The following FAM83F variants were observed in gnomAD, a reference collection of about 807,000 sequenced individuals.
FAM83F encodes protein FAM83F.
In FAM83F, 45 loss-of-function variants were observed where a neutral mutation model predicts 42.9. That is an observed-to-expected ratio of 1.05 (90% confidence interval 0.83 to 1.35). The LOEUF (loss-of-function observed/expected upper bound fraction) is 1.35, where lower values mean the gene tolerates loss of function less well. Ranked by LOEUF, FAM83F falls within the 40% of genes most tolerant of loss-of-function variation. FAM83F has a pLI of 0.00. For missense variants in FAM83F, 617 were observed against 695.9 expected, an observed-to-expected ratio of 0.89 and a Z score of 1.28; for synonymous variants, 306 against 298.3, an observed-to-expected ratio of 1.03 and a Z score of -0.27.
rs1254583448 is a variant in FAM83F at position 40,020,106 on chromosome 22, T to TA, written c.779+100dup. 12 of 1,478,982 alleles carry TA rather than the reference T, an allele frequency of 8.1e-6. No homozygotes were observed. In the African/African-American group the frequency reaches 1.7e-4, roughly 21 times the overall value. 91.6% of individuals were successfully genotyped at this position (1,478,982 alleles called of 1,614,324 possible). A position where few individuals can be genotyped will look rare whatever the true frequency, so the allele number is the denominator to read the frequency against. The stretch of plus-strand genomic sequence containing the variant: ...CGGAGCCTCCGTCATCATGAGTGTG[T>TA]AACAGGGATCATCTGACGCAATAGC... On this transcript the variant is annotated intron_variant, in intron 3 of 4. Transcript: ENST00000333407.
chr22:40,037,126 C>A lies in FAM83F; in HGVS notation c.*7561C>A, dbSNP rs2067629358. 1 of 152,190 alleles carries A rather than the reference C, an allele frequency of 6.6e-6. No homozygotes were observed. The highest frequency in any genetic ancestry group is 2.4e-5 in the African/African-American group (1 of 41,420). The allele number at this position is 152,190 out of a possible 1,614,324, so 9.4% of individuals were successfully genotyped here. A position where few individuals can be genotyped will look rare whatever the true frequency, so the allele number is the denominator to read the frequency against. ...GTGGCTCATGCCTGTGACCTCAGCACTTTGGGAGGCCGAGGTGGGTGGATC... is the reference window on the plus strand; with the variant it reads ...GTGGCTCATGCCTGTGACCTCAGCAATTTGGGAGGCCGAGGTGGGTGGATC... On this transcript the variant is annotated 3_prime_UTR_variant, in exon 5 of 5. Coordinates refer to ENST00000333407, the MANE Select transcript of FAM83F (RefSeq NM_138435.4).
At chr22:40,003,879 G>A (rs1478951076) in intron 1 of FAM83F, among the ~76,000 whole-genome samples, 1 of 152,132 alleles carries the variant, frequency 6.6e-6, no homozygotes, top group African/African-American at 2.4e-5. Flanking sequence ...AGGCATGTGG[G>A]AGGCTCCGGA....
chr22:40,000,399 A>G lies in FAM83F; in HGVS notation c.489+4868A>G, dbSNP rs574275141. 1.3e-3 allele frequency among the ~76,000 whole-genome samples: 200 copies of G among 152,296 alleles called. 3 individuals are homozygous for G. Among genetic ancestry groups the G allele is most frequent in the Middle Eastern group, 0.01 (3 of 294 alleles). On this transcript the variant is annotated intron_variant, in intron 1 of 4. Transcript: ENST00000333407. ...AGCTGGGATACAGATGCCCCCGGGC[A>G]TGGCAAAGTCTTGGAGTCATCAGCT... is the stretch of plus-strand genomic sequence containing the variant.
Position 40,023,144 on chromosome 22 carries a change from C to T in FAM83F, c.1453+1181C>T, listed in dbSNP as rs1294380883. ...TTGCCAGGTCCTGCACAGGCACTCT[C>T]TCTCCCCTTCTGCCCCCACAACCAC... On this transcript the variant is annotated intron_variant, in intron 4 of 4. Transcript: ENST00000333407. This position sits in a 1 kb window ranked among gnomAD's most constrained non-coding sequence, Gnocchi z 4.1. Among the ~76,000 whole-genome samples, 1 of 152,218 alleles carries T rather than the reference C, an allele frequency of 6.6e-6. No homozygotes were observed. The highest frequency in any genetic ancestry group is 1.5e-5 in the Non-Finnish European group (1 of 68,040).
intron 1 of FAM83F, among the ~76,000 whole-genome samples, chr22:39,996,674 G>A (rs2067374706): frequency 6.6e-6 from 1 of 152,186 alleles, no homozygotes; most frequent in Non-Finnish European, 1.5e-5. Context: ...GGAAAATAGA[G>A]CTAGAAAGAC....
intron 4 of FAM83F, among the ~76,000 whole-genome samples, chr22:40,028,937 G>A (rs1039052223): frequency 1.3e-5 from 2 of 152,200 alleles, no homozygotes; most frequent in Non-Finnish European, 2.9e-5. Context: ...TGGCACTGTC[G>A]CTGGCTGGCT....
chr22:40,002,618 C>A (rs562838481), intron 1 of FAM83F, among the ~76,000 whole-genome samples: 10 of 152,270 alleles, frequency 6.6e-5, no homozygotes, highest in African/African-American at 2.4e-4. Flanking sequence ...GTCATTTTTG[C>A]CCTGGCCATC....
chr22:40,024,906 G>C (rs987495015), intron 4 of FAM83F, among the ~76,000 whole-genome samples: 1 of 152,276 alleles, frequency 6.6e-6, no homozygotes, highest in East Asian at 1.9e-4. Flanking sequence ...CCTCCTTTCC[G>C]GCTGGGGATC....
intron 4 of FAM83F, among the ~76,000 whole-genome samples, chr22:40,026,730 C>A (rs1288056758): frequency 6.6e-6 from 1 of 152,092 alleles, no homozygotes; most frequent in African/African-American, 2.4e-5. Context: ...CAGTGACAGT[C>A]CCTTTCCAGA....
intron 4 of FAM83F, among the ~76,000 whole-genome samples, chr22:40,027,543 G>A (rs1015619536): frequency 3.3e-5 from 5 of 152,160 alleles, no homozygotes; most frequent in African/African-American, 4.8e-5. Flanking sequence ...GACTATTCTG[G>A]TCATTTATAC....
chr22:40,034,501 A>T lies in FAM83F; in HGVS notation c.*4936A>T, dbSNP rs1293335338. ...TTCCCCTTGCAGCTTCTGCTCTCCC[A>T]GCTAGGGACTGAGGAAAGCCCTGCT... On this transcript the variant is annotated 3_prime_UTR_variant, in exon 5 of 5. Transcript: ENST00000333407. The T allele has an allele frequency of 6.6e-6, 1 of 152,316 alleles. No homozygotes were observed. Among genetic ancestry groups the T allele is most frequent in the East Asian group, 1.9e-4 (1 of 5,204 alleles). The allele number at this position is 152,316 out of a possible 1,614,324, so 9.4% of individuals were successfully genotyped here.
Position 39,995,180 on chromosome 22 carries a change from C to T in FAM83F, c.138C>T (p.Tyr46=), listed in dbSNP as rs1279066540. 2.0e-6 allele frequency: 3 copies of T among 1,486,508 alleles called. No homozygotes were observed. In the Admixed American group the frequency reaches 7.2e-5, roughly 36 times the overall value. The allele number at this position is 1,486,508 out of a possible 1,614,324, so 92.1% of individuals were successfully genotyped here. A position where few individuals can be genotyped will look rare whatever the true frequency, so the allele number is the denominator to read the frequency against. The part of the protein sequence containing the change: ...EALLGGGEQA[Y]RERLKEEQLR... Reference sequence around the variant, plus strand: ...TGCTGGGCGGCGGCGAGCAGGCCTACCGCGAGCGGCTCAAGGAGGAGCAGC... The same window carrying T: ...TGCTGGGCGGCGGCGAGCAGGCCTATCGCGAGCGGCTCAAGGAGGAGCAGC... Residue 46 remains tyrosine, a synonymous_variant, in exon 1 of 5, where the codon TAC becomes TAT. Coordinates refer to ENST00000333407, the MANE Select transcript of FAM83F (RefSeq NM_138435.4). The surrounding 1 kb of genome is among the most constrained non-coding windows in gnomAD (Gnocchi z 4.6).
rs142797714 is a variant in FAM83F at position 40,023,199 on chromosome 22, G to A, written c.1453+1236G>A. ...CAAGCACAGAGGTGGCAGATGGCTC[G>A]GAGAGGTGAATGAAGTGGTCCCAGG... On this transcript the variant is annotated intron_variant, in intron 4 of 4. Transcript: ENST00000333407. This position sits in a 1 kb window ranked among gnomAD's most constrained non-coding sequence, Gnocchi z 4.1. 1.5e-4 allele frequency among the ~76,000 whole-genome samples: 23 copies of A among 152,310 alleles called. No individual in the cohort carries two copies. Among genetic ancestry groups the A allele is most frequent in the Non-Finnish European group, 2.9e-4 (20 of 68,024 alleles).
In FAM83F at chr22:40,021,956, C is replaced by T. The variant is rs945581746; in HGVS notation, c.1446C>T (p.Asp482=). Residue 482 remains aspartate, a synonymous_variant, in exon 4 of 5, where the codon GAC becomes GAT. Transcript: ENST00000333407. The surrounding 1 kb of genome is among the most constrained non-coding windows in gnomAD (Gnocchi z 8.7). ...GGCCCAACGAGAATTCCAGTGCTGA[C>T]ATCTCAGGTGAGCCCTCTTCCCTCT... ...GKRPNENSSA[D]ISGKTSPSSA... The T allele has an allele frequency of 2.8e-5, 43 of 1,554,528 alleles. No individual in the cohort carries two copies. Among genetic ancestry groups the T allele is most frequent in the Non-Finnish European group, 3.6e-5 (41 of 1,149,762 alleles).
chr22:40,014,131 C>CTTTTTTTTCTTTTTTT (rs2067481856), intron 1 of FAM83F, among the ~76,000 whole-genome samples: 1 of 116,812 alleles, frequency 8.6e-6, no homozygotes, highest in Non-Finnish European at 1.7e-5. Context: ...TATTTCTTTT[C>CTTTTTTTTCTTTTTTT]TTTTTTTTTT....
chr22:40,029,472 G>A (rs367907556), intron 4 of FAM83F, 44 bp from the exon 5 acceptor site: 55 of 1,586,730 alleles, frequency 3.5e-5, no homozygotes, highest in Admixed American at 1.2e-4. Context: ...TCCACCAAGC[G>A]TTTCACTTAC....
chr22:40,022,351 C>G (rs1483837576), intron 4 of FAM83F, among the ~76,000 whole-genome samples: 1 of 152,224 alleles, frequency 6.6e-6, no homozygotes. Context: ...AACGGGGGCT[C>G]TGCACAGTGG....
chr22:40,043,412 A>C lies in FAM83F; in HGVS notation c.*13847A>C, dbSNP rs2067661263. 1 of 152,180 alleles carries C rather than the reference A, an allele frequency of 6.6e-6. No homozygotes were observed. The highest frequency in any genetic ancestry group is 1.5e-5 in the Non-Finnish European group (1 of 68,034). The allele number at this position is 152,180 out of a possible 1,614,324, so 9.4% of individuals were successfully genotyped here. ...CACTTCGATGAATGCTGCTATAGGG[A>C]AAGAACCCAGTGGCCACCAGCCAGG... On this transcript the variant is annotated 3_prime_UTR_variant, in exon 5 of 5. Transcript: ENST00000333407.
At chr22:40,029,340 C>T (rs2067573813) in intron 4 of FAM83F, among the ~76,000 whole-genome samples, 176 bp from the exon 5 acceptor site, 1 of 152,138 alleles carries the variant, frequency 6.6e-6, no homozygotes, top group Non-Finnish European at 1.5e-5. Context: ...AGAATCTTCC[C>T]TTCTACTTTC....
Sources: gnomAD v4.1 joint callset for allele counts (sites outside exome capture counted in the v4.1 genomes callset) on GRCh38, gnomAD v4.1.1 for gene constraint, Gnocchi (gnomAD v3.1) non-coding constraint, MANE v1.5 for transcripts, NCBI Gene and HGNC (gene_info 2026-07-23, HGNC 2026-07-21) for gene names.